Variants in ITGB3BP observed in about 807,000 individuals in gnomAD.
The protein encoded by ITGB3BP is integrin subunit beta 3 binding protein, also known as centromere protein R.
Under a neutral mutation model 29.1 loss-of-function variants are expected in ITGB3BP, and 27 were observed. That is an observed-to-expected ratio of 0.93 (90% CI 0.68 to 1.28). The LOEUF is 1.28. Among genes scored for constraint, ITGB3BP ranks in the 50% most tolerant of loss-of-function variants. The pLI is 0.00. For synonymous variants in ITGB3BP, 61 were observed against 61.4 expected, an observed-to-expected ratio of 0.99 and a Z score of 0.03; for missense variants, 192 against 200.2, an observed-to-expected ratio of 0.96 and a Z score of 0.25.
chr1:63,525,639 C>T (rs769084440), upstream of ITGB3BP: 7 of 1,602,698 alleles, frequency 4.4e-6, no homozygotes, highest in Admixed American at 5.4e-5. Flanking sequence ...AGAGAGTCCT[C>T]GAACAAAGAA....
chr1:63,499,156 G>GTTTT (rs57626823), intron 2 of ITGB3BP, among the ~76,000 whole-genome samples: 4 of 118,070 alleles, frequency 3.4e-5, no homozygotes, highest in South Asian at 2.9e-4. Context: ...TTCCACTAGC[G>GTTTT]TTTTTTTTTT....
At chr1:63,474,924 AAC>A (rs1319479875) in intron 4 of ITGB3BP, among the ~76,000 whole-genome samples, 27 of 17,796 alleles carry the variant, frequency 1.5e-3, no homozygotes, top group South Asian at 0.038. Flanking sequence ...ATAAAAACAA[AAC>A]AAAACAAAAA....
chr1:63,507,958 T>C (rs1646117990), intron 2 of ITGB3BP, among the ~76,000 whole-genome samples: 1 of 152,184 alleles, frequency 6.6e-6, no homozygotes. Flanking sequence ...AACTAACATA[T>C]GTCATGATAT....
chr1:63,499,033 T>C (rs1645858761), intron 2 of ITGB3BP, among the ~76,000 whole-genome samples: 1 of 152,044 alleles, frequency 6.6e-6, no homozygotes, highest in Non-Finnish European at 1.5e-5. Context: ...CAGGATTGAA[T>C]TATGGAGAAC....
intron 1 of ITGB3BP, among the ~76,000 whole-genome samples, chr1:63,510,502 T>C (rs918556195): frequency 6.6e-6 from 1 of 152,216 alleles, no homozygotes; most frequent in Admixed American, 6.5e-5. Flanking sequence ...TCCCACTTTA[T>C]GTTTGGTGAC....
chr1:63,474,897 AAAAAT>A (rs918757117), intron 4 of ITGB3BP, among the ~76,000 whole-genome samples: 7 of 81,226 alleles, frequency 8.6e-5, no homozygotes, highest in African/African-American at 7.8e-5. Context: ...AATAAAAAAA[AAAAAT>A]AAATAAATAA....
upstream of ITGB3BP, chr1:63,525,628 C>T: frequency 6.3e-7 from 1 of 1,597,724 alleles, no homozygotes; most frequent in Non-Finnish European, 8.5e-7. Context: ...TCAACACCTT[C>T]AGAGAGTCCT....
intron 4 of ITGB3BP, among the ~76,000 whole-genome samples, chr1:63,464,391 T>C (rs1227783337): frequency 1.3e-5 from 2 of 152,224 alleles, no homozygotes; most frequent in Non-Finnish European, 2.9e-5. Flanking sequence ...ATTAAGCAAA[T>C]GTGCAAATTT....
chr1:63,517,469 T>C (rs1646359342), intron 1 of ITGB3BP, among the ~76,000 whole-genome samples: 1 of 151,966 alleles, frequency 6.6e-6, no homozygotes, highest in African/African-American at 2.4e-5. Context: ...AGGAACATTT[T>C]GTAATTTTCA....
chr1:63,513,019 G>A (rs1419233123), intron 1 of ITGB3BP, among the ~76,000 whole-genome samples: 1 of 152,060 alleles, frequency 6.6e-6, no homozygotes, highest in East Asian at 1.9e-4. Context: ...ATTAGGTTAT[G>A]CATATTTGGC....
intron 1 of ITGB3BP, among the ~76,000 whole-genome samples, chr1:63,520,646 A>G (rs898041951): frequency 6.6e-6 from 1 of 152,208 alleles, no homozygotes; most frequent in African/African-American, 2.4e-5. Flanking sequence ...AATGGATACT[A>G]ATGAAAAAAT....
intron 1 of ITGB3BP, among the ~76,000 whole-genome samples, chr1:63,522,204 T>C (rs1646466245): frequency 6.6e-6 from 1 of 152,238 alleles, no homozygotes. Context: ...AATTGATTAA[T>C]ACAGCACCCA....
chr1:63,492,633 G>A (rs6588044), intron 2 of ITGB3BP, among the ~76,000 whole-genome samples: 51,449 of 151,932 alleles, frequency 0.34, 8,945 homozygotes, highest in East Asian at 0.48. Context: ...AGAAGACTGA[G>A]CTACTAACTG....
intron 1 of ITGB3BP, among the ~76,000 whole-genome samples, chr1:63,509,263 A>C (rs929568518): frequency 3.3e-5 from 5 of 152,242 alleles, no homozygotes; most frequent in African/African-American, 1.2e-4. Context: ...AATATTTATA[A>C]TACTTTATTT....
chr1:63,469,561 G>C (rs1200762691), intron 4 of ITGB3BP, among the ~76,000 whole-genome samples: 1 of 152,144 alleles, frequency 6.6e-6, no homozygotes, highest in Non-Finnish European at 1.5e-5. Context: ...CCCGACCTCA[G>C]GTGATCTGCC....
At chr1:63,489,107 A>G (rs997258293) in intron 3 of ITGB3BP, among the ~76,000 whole-genome samples, 1 of 152,042 alleles carries the variant, frequency 6.6e-6, no homozygotes, top group Non-Finnish European at 1.5e-5. Context: ...ATACATTTTC[A>G]TACATTTTAG....
chr1:63,447,588 A>C (rs1226719256), intron 7 of ITGB3BP: 2 of 499,440 alleles, frequency 4.0e-6, no homozygotes, highest in Non-Finnish European at 8.0e-6. Context: ...GGAGAGCTTC[A>C]CAGAGGTTGT....
chr1:63,508,627 C>G (rs373031898), intron 1 of ITGB3BP, 57 bp from the exon 2 acceptor site: 1 of 758,088 alleles, frequency 1.3e-6, no homozygotes, highest in South Asian at 2.0e-5. Flanking sequence ...TTAAAGTAGC[C>G]CAATAATTAA....
chr1:63,503,584 G>A (rs1414498888), intron 2 of ITGB3BP, among the ~76,000 whole-genome samples: 1 of 152,134 alleles, frequency 6.6e-6, no homozygotes, highest in Non-Finnish European at 1.5e-5. Context: ...TGAAGTCCTT[G>A]CCCATGCCTA....
Sources: gnomAD v4.1 joint callset for allele counts (sites outside exome capture counted in the v4.1 genomes callset) on GRCh38, gnomAD v4.1.1 for gene constraint, MANE v1.5 for transcripts, NCBI Gene and HGNC (gene_info 2026-07-23, HGNC 2026-07-21) for gene names.